Variants in HHLA2 observed in about 807,000 individuals in gnomAD.
HHLA2 encodes the protein HERV-H LTR-associating protein 2.
Under a neutral mutation model 45.9 loss-of-function variants are expected in HHLA2, and 48 were observed. The ratio of observed to expected loss-of-function variants is 1.05; its 90% CI spans 0.83 to 1.33. The LOEUF (loss-of-function observed/expected upper bound fraction) is 1.33, where lower values mean the gene tolerates loss of function less well. Ranked by LOEUF, HHLA2 falls within the 40% of genes most tolerant of loss-of-function variation. The pLI is 0.00. For missense variants in HHLA2, 462 were observed against 494.3 expected, an observed-to-expected ratio of 0.93 and a Z score of 0.62; for synonymous variants, 161 against 173.9, an observed-to-expected ratio of 0.93 and a Z score of 0.59.
chr3:108,304,237 T>C (rs1278458342), intron 1 of HHLA2, among the ~76,000 whole-genome samples: 1 of 152,208 alleles, frequency 6.6e-6, no homozygotes, highest in Non-Finnish European at 1.5e-5. Context: ...AATTTAGGCA[T>C]TGTGTTACTT....
At chr3:108,341,244 C>T (rs545772619) in intron 3 of HHLA2, among the ~76,000 whole-genome samples, 5 of 152,228 alleles carry the variant, frequency 3.3e-5, no homozygotes, top group African/African-American at 4.8e-5. Flanking sequence ...TGAGCCACCA[C>T]GCCCAGCCTC....
intron 1 of HHLA2, among the ~76,000 whole-genome samples, chr3:108,297,231 GA>G (rs2080775349): frequency 6.6e-6 from 1 of 152,038 alleles, no homozygotes; most frequent in African/African-American, 2.4e-5. Flanking sequence ...TTGGATAATA[GA>G]AAAAAATATG....
At chr3:108,332,057 G>C (rs1033882916) in intron 3 of HHLA2, among the ~76,000 whole-genome samples, 1 of 152,136 alleles carries the variant, frequency 6.6e-6, no homozygotes, top group Admixed American at 6.5e-5. Flanking sequence ...TGTAGACCAC[G>C]TTAGTTTCTT....
chr3:108,376,418 A>G (rs2082275674), intron 9 of HHLA2, 75 bp from the exon 9 acceptor site: 2 of 1,103,472 alleles, frequency 1.8e-6, no homozygotes, highest in East Asian at 5.1e-5. Context: ...ACATGATTAT[A>G]TTGAGATAGG....
At chr3:108,323,015 T>C (rs1028878284) in intron 2 of HHLA2, among the ~76,000 whole-genome samples, 5 of 152,196 alleles carry the variant, frequency 3.3e-5, no homozygotes, top group Admixed American at 1.3e-4. Flanking sequence ...TTGCCCATTT[T>C]TCTCTAGTTT....
intron 8 of HHLA2, among the ~76,000 whole-genome samples, chr3:108,372,867 A>C (rs957349127): frequency 1.3e-5 from 2 of 152,372 alleles, no homozygotes; most frequent in African/African-American, 2.4e-5. Context: ...GTCCAGGACC[A>C]GATGGATTCA....
intron 1 of HHLA2, among the ~76,000 whole-genome samples, chr3:108,304,667 C>T (rs2080900527): frequency 2.0e-5 from 3 of 152,224 alleles, no homozygotes; most frequent in Admixed American, 2.0e-4. Context: ...AGGGCTTCAG[C>T]AACACACCAC....
chr3:108,369,208 G>A lies in HHLA2; in HGVS notation c.1109-6542G>A, dbSNP rs113029783. ...AAGACACAACGTACCAGAATCTCTG[G>A]GACGCAGCTAAAGCAGTGTTGAGAG... On this transcript the variant is annotated intron_variant, in intron 8 of 10. Coordinates refer to ENST00000619531, the Ensembl canonical transcript of HHLA2. Among the ~76,000 whole-genome samples, 258 of 152,268 alleles carry A rather than the reference G, an allele frequency of 1.7e-3. 2 individuals are homozygous for A. Among genetic ancestry groups the A allele is most frequent in the African/African-American group, 5.9e-3 (246 of 41,550 alleles).
chr3:108,347,509 T>C, intron 3 of HHLA2, among the ~76,000 whole-genome samples: 1 of 152,100 alleles, frequency 6.6e-6, no homozygotes, highest in South Asian at 2.1e-4. Context: ...GATGCTAGGG[T>C]TAAGAATTTG....
At chr3:108,340,470 G>A (rs922687026) in intron 3 of HHLA2, among the ~76,000 whole-genome samples, 8 of 152,168 alleles carry the variant, frequency 5.3e-5, no homozygotes, top group Middle Eastern at 3.2e-3. Flanking sequence ...AGAAAACTTC[G>A]TTGGAGAATT....
chr3:108,308,941 T>C (rs185049484), intron 1 of HHLA2, among the ~76,000 whole-genome samples: 3 of 152,346 alleles, frequency 2.0e-5, no homozygotes, highest in African/African-American at 7.2e-5. Flanking sequence ...TGCAAATATT[T>C]TCTCCCATTC....
chr3:108,365,623 T>A (rs1347426789), intron 8 of HHLA2, among the ~76,000 whole-genome samples: 1 of 151,546 alleles, frequency 6.6e-6, no homozygotes, highest in Non-Finnish European at 1.5e-5. Context: ...AAGTATGAAA[T>A]TTTTTTCCAT....
At chr3:108,324,669 T>G (rs1388808699) in intron 2 of HHLA2, among the ~76,000 whole-genome samples, 1 of 152,232 alleles carries the variant, frequency 6.6e-6, no homozygotes, top group Non-Finnish European at 1.5e-5. Context: ...GTGTACATCC[T>G]TAAACAGTAC....
intron 2 of HHLA2, among the ~76,000 whole-genome samples, chr3:108,316,691 G>A (rs1323340082): frequency 6.6e-6 from 1 of 152,132 alleles, no homozygotes; most frequent in Non-Finnish European, 1.5e-5. Context: ...AAGAAAAAAT[G>A]TGGATTTAGG....
chr3:108,351,793 C>G (rs748997636), exon 4 of HHLA2: 3 of 1,608,024 alleles, frequency 1.9e-6, no homozygotes, highest in Non-Finnish European at 2.6e-6. Flanking sequence ...GATAGCATGA[C>G]TAATATGTTC....
At chr3:108,328,221 T>C in intron 2 of HHLA2, 1 of 825,406 alleles carries the variant, frequency 1.2e-6, no homozygotes, top group Non-Finnish European at 1.8e-6. Context: ...ACTGGTCATC[T>C]GGGGCATTGA....
chr3:108,319,610 AG>A (rs1263092063), intron 2 of HHLA2, among the ~76,000 whole-genome samples: 1 of 152,244 alleles, frequency 6.6e-6, no homozygotes, highest in Non-Finnish European at 1.5e-5. Flanking sequence ...CGTTTCTTTT[AG>A]GTACTTGAAG....
At chr3:108,339,956 G>A (rs2081537134) in intron 3 of HHLA2, among the ~76,000 whole-genome samples, 1 of 152,194 alleles carries the variant, frequency 6.6e-6, no homozygotes, top group South Asian at 2.1e-4. Flanking sequence ...ACTTTGAATA[G>A]TGAGCATGGA....
chr3:108,375,195 T>C (rs972810675), intron 8 of HHLA2, among the ~76,000 whole-genome samples: 17 of 151,876 alleles, frequency 1.1e-4, no homozygotes, highest in Middle Eastern at 6.8e-3. Flanking sequence ...ATGGATGAAA[T>C]TGGAAATCAT....
Sources: allele counts gnomAD v4.1 joint callset (sites outside exome capture counted in the v4.1 genomes callset), GRCh38; gene constraint gnomAD v4.1.1; transcripts MANE v1.5; gene names NCBI Gene and HGNC (gene_info 2026-07-23, HGNC 2026-07-21).